TEX11: variants seen among roughly 807,000 people sequenced by gnomAD.
TEX11 encodes the protein testis expressed 11.
Under a neutral mutation model 84.4 loss-of-function variants are expected in TEX11, and 7 were observed. That is an observed-to-expected ratio of 0.08 (90% confidence interval 0.05 to 0.16). The LOEUF is 0.16. Among genes scored for constraint, TEX11 ranks in the 10% least tolerant of loss-of-function variants. TEX11 has a pLI of 1.00. For synonymous variants in TEX11, 264 were observed against 222.8 expected, an observed-to-expected ratio of 1.18 and a Z score of -1.64; for missense variants, 551 against 660.5, an observed-to-expected ratio of 0.83 and a Z score of 1.82.
intron 2 of TEX11, among the ~76,000 whole-genome samples, chrX:70,881,892 G>A: frequency 9.3e-6 from 1 of 107,976 alleles, no homozygotes; most frequent in Non-Finnish European, 1.9e-5. Context: ...AGCCAGGCAC[G>A]GTGGCACATA....
chrX:70,629,603 T>C lies in TEX11; in HGVS notation c.1608+8A>G, dbSNP rs375743880. On this transcript the variant is annotated splice_region_variant and intron_variant, in intron 18 of 29. Transcript: ENST00000374333. ...TAAAAATCTAGTAGATGAATACATA[T>C]GAATTACCTCTAGAGCAAACTGGGC... 1.1e-5 allele frequency: 13 copies of C among 1,205,437 alleles called. No individual in the cohort carries two copies. The Admixed American group carries it at 2.4e-4, about 23-fold the overall frequency.
At chrX:70,704,243 T>C (rs767179766) in intron 13 of TEX11, among the ~76,000 whole-genome samples, 1 of 110,573 alleles carries the variant, frequency 9.0e-6, no homozygotes. Flanking sequence ...CTGTACAGTC[T>C]GTGGAACCGT....
intron 20 of TEX11, among the ~76,000 whole-genome samples, chrX:70,616,890 G>T (rs995383167): frequency 1.8e-5 from 2 of 111,437 alleles, no homozygotes; most frequent in African/African-American, 6.5e-5. Context: ...AGGGTTGCGG[G>T]GGGTAGAAGG....
At chrX:70,582,749 TA>T (rs1379944296) in intron 25 of TEX11, among the ~76,000 whole-genome samples, 14 of 70,864 alleles carry the variant, frequency 2.0e-4, no homozygotes, top group Admixed American at 6.0e-4. Context: ...TTTATTTATT[TA>T]TTTATTTATT....
chrX:70,630,313 G>GAA (rs367757066), intron 17 of TEX11, among the ~76,000 whole-genome samples: 48 of 60,126 alleles, frequency 8.0e-4, no homozygotes, highest in African/African-American at 1.0e-3. Flanking sequence ...CTCTGTCTCA[G>GAA]AAAAAAAAAA....
intron 9 of TEX11, among the ~76,000 whole-genome samples, chrX:70,794,081 A>T (rs1406796187): frequency 3.6e-5 from 4 of 111,824 alleles, no homozygotes; most frequent in Non-Finnish European, 5.6e-5. Context: ...CCTGGTCTTA[A>T]CTTCATATAA....
chrX:70,642,210 C>G (rs945755628), intron 17 of TEX11, among the ~76,000 whole-genome samples: 96 of 111,895 alleles, frequency 8.6e-4, no homozygotes, highest in Middle Eastern at 4.6e-3. Flanking sequence ...TCTTCCAAGA[C>G]TAAACCAGGA....
chrX:70,707,135 A>G (rs1032102167), intron 13 of TEX11, among the ~76,000 whole-genome samples: 3 of 110,028 alleles, frequency 2.7e-5, no homozygotes, highest in African/African-American at 9.9e-5. Context: ...CTTCCTTTCC[A>G]CTATTCTAAA....
chrX:70,577,440 C>T (rs1051757030), intron 25 of TEX11, among the ~76,000 whole-genome samples: 4 of 110,236 alleles, frequency 3.6e-5, no homozygotes, highest in African/African-American at 9.9e-5. Context: ...AGAGTTGGTA[C>T]ACAACAAAAG....
At chrX:70,590,777 C>T (rs905497379) in intron 25 of TEX11, among the ~76,000 whole-genome samples, 4 of 111,556 alleles carry the variant, frequency 3.6e-5, no homozygotes, top group African/African-American at 9.8e-5. Context: ...GACAGAGTTT[C>T]GCTCTTGTTG....
At chrX:70,712,065 G>C (rs1386802914) in intron 13 of TEX11, among the ~76,000 whole-genome samples, 2 of 111,360 alleles carry the variant, frequency 1.8e-5, no homozygotes, top group African/African-American at 3.3e-5. Context: ...CCCATTTCTT[G>C]TTTTTGTCAG....
chrX:70,527,944 T>C (rs2087838529), downstream of TEX11, among the ~76,000 whole-genome samples: 1 of 112,099 alleles, frequency 8.9e-6, no homozygotes, highest in South Asian at 3.7e-4. Flanking sequence ...AAAATGTTAA[T>C]ACAAATCAAC....
chrX:70,564,276 A>C (rs1215050928), intron 25 of TEX11, among the ~76,000 whole-genome samples: 6 of 111,662 alleles, frequency 5.4e-5, no homozygotes, highest in Non-Finnish European at 1.1e-4. Flanking sequence ...ACTGACACTG[A>C]CTTGTATTTT....
intron 2 of TEX11, among the ~76,000 whole-genome samples, chrX:70,881,871 A>G (rs2091684905): frequency 9.2e-6 from 1 of 109,219 alleles, no homozygotes; most frequent in African/African-American, 3.3e-5. Context: ...GAAAAGAAAA[A>G]TACAAAAATT....
intron 20 of TEX11, among the ~76,000 whole-genome samples, chrX:70,618,608 A>T (rs1282337592): frequency 8.9e-6 from 1 of 111,863 alleles, no homozygotes; most frequent in Admixed American, 9.5e-5. Flanking sequence ...GAACACAGCT[A>T]GCAAGTCAGA....
chrX:70,758,581 A>T (rs886942477), intron 9 of TEX11, among the ~76,000 whole-genome samples: 8 of 112,179 alleles, frequency 7.1e-5, no homozygotes, highest in African/African-American at 2.3e-4. Context: ...TAAGACAAAG[A>T]CACAATACAC....
At chrX:70,869,031 TTAAAGTAAAA>T (rs2091614388) in intron 4 of TEX11, among the ~76,000 whole-genome samples, 1 of 65,947 alleles carries the variant, frequency 1.5e-5, no homozygotes, top group Admixed American at 1.7e-4. Flanking sequence ...ATCCCAGAAC[TTAAAGTAAAA>T]TAAAATAAAA....
chrX:70,903,251 G>A (rs1018039412), intron 2 of TEX11, among the ~76,000 whole-genome samples: 2 of 111,533 alleles, frequency 1.8e-5, no homozygotes, highest in Admixed American at 9.5e-5. Context: ...GTATGGTATA[G>A]TGAATACATA....
intron 16 of TEX11, among the ~76,000 whole-genome samples, chrX:70,661,566 C>A (rs1291208654): frequency 8.9e-6 from 1 of 111,997 alleles, no homozygotes; most frequent in Non-Finnish European, 1.9e-5. Flanking sequence ...TGAGAATAGA[C>A]AGACTGCCTC....
Sources: allele counts gnomAD v4.1 joint callset (sites outside exome capture counted in the v4.1 genomes callset), GRCh38; gene constraint gnomAD v4.1.1; transcripts MANE v1.5; gene names NCBI Gene and HGNC (gene_info 2026-07-23, HGNC 2026-07-21).